The following FRMPD4 variants were observed in gnomAD, a reference collection of about 807,000 sequenced individuals.
FRMPD4 encodes the protein FERM and PDZ domain-containing protein 4.
Under a neutral mutation model 94.1 loss-of-function variants are expected in FRMPD4, and 22 were observed. The ratio of observed to expected loss-of-function variants is 0.23; its 90% CI spans 0.17 to 0.33. The LOEUF (loss-of-function observed/expected upper bound fraction) is 0.33, where lower values mean the gene tolerates loss of function less well. Ranked by LOEUF, FRMPD4 falls within the 10% of genes least tolerant of loss-of-function variation. FRMPD4 has a pLI of 1.00. For missense variants in FRMPD4, 1,111 were observed against 1,339.9 expected (o/e 0.83, Z 2.67); for synonymous variants, 631 against 548.6 (o/e 1.15, Z -2.10).
At chrX:11,845,753 A>G (rs2053572029) in intron 1 of FRMPD4, among the ~76,000 whole-genome samples, 2 of 110,639 alleles carry the variant, frequency 1.8e-5, no homozygotes, top group South Asian at 7.6e-4. Context: ...GTAATCCAGC[A>G]TATAAACAGA....
intron 1 of FRMPD4, among the ~76,000 whole-genome samples, chrX:12,237,069 T>C (rs1468935930): frequency 8.9e-6 from 1 of 112,289 alleles, no homozygotes; most frequent in Non-Finnish European, 1.9e-5. Flanking sequence ...ATCTACGCAA[T>C]AGAAGAACAA....
intron 1 of FRMPD4, among the ~76,000 whole-genome samples, chrX:12,204,108 G>A (rs1241806540): frequency 8.9e-6 from 1 of 112,014 alleles, no homozygotes; most frequent in East Asian, 2.8e-4. Context: ...GGATTCCCAC[G>A]TTGTGCTCTC....
rs778112353 is a variant in FRMPD4, at chrX:12,511,992, G to C, written c.158+13196G>C. 5.4e-5 allele frequency among the ~76,000 whole-genome samples: 6 copies of C among 111,819 alleles called. No individual in the cohort carries two copies. The South Asian group carries it at 2.3e-3, about 42-fold the overall frequency. ...CCAGAAGGAAGTGACAAAGAATACTGTATCCAGAAATTGCCACAGCCACCC... is the reference window on the plus strand; with the variant it reads ...CCAGAAGGAAGTGACAAAGAATACTCTATCCAGAAATTGCCACAGCCACCC... On this transcript the variant is annotated intron_variant, in intron 2 of 16. Transcript: ENST00000675598.
intron 3 of FRMPD4, among the ~76,000 whole-genome samples, chrX:11,916,755 G>T (rs1018627802): frequency 9.0e-6 from 1 of 111,668 alleles, no homozygotes; most frequent in Non-Finnish European, 1.9e-5. Context: ...TCCATAAGGA[G>T]GGGACTGGGC....
At chrX:12,237,178 T>C (rs1489017681) in intron 1 of FRMPD4, among the ~76,000 whole-genome samples, 3 of 112,717 alleles carry the variant, frequency 2.7e-5, no homozygotes, top group African/African-American at 6.4e-5. Context: ...AAAAATAATG[T>C]TGAATGTATG....
chrX:12,270,820 T>A (rs768255580), intron 1 of FRMPD4, among the ~76,000 whole-genome samples: 126 of 110,864 alleles, frequency 1.1e-3, no homozygotes, highest in African/African-American at 4.1e-3. Context: ...CTCAGTGGAG[T>A]CTATAGTTTA....
chrX:12,603,615 AT>A lies in FRMPD4; in HGVS notation c.159-6100del, dbSNP rs5901481. ...TTCCATTTCAATTAATATACTCTGT[AT>A]TTTTTGGGTCACAGATTCCTGGCCT... On this transcript the variant is annotated intron_variant, in intron 2 of 16. Coordinates refer to ENST00000675598, the MANE Select transcript of FRMPD4 (RefSeq NM_001368397.1). 8.5e-3 allele frequency among the ~76,000 whole-genome samples: 947 copies of A among 111,363 alleles called. 10 individuals are homozygous for A. The highest frequency in any genetic ancestry group is 0.029 in the African/African-American group (887 of 30,590).
At chrX:11,843,978 C>CTTTTTTTTTT in intron 1 of FRMPD4, among the ~76,000 whole-genome samples, 1 of 61,369 alleles carries the variant, frequency 1.6e-5, no homozygotes, top group Non-Finnish European at 2.9e-5. Context: ...GTTATGAATT[C>CTTTTTTTTTT]TTTTTTTTTT....
chrX:12,195,679 T>C (rs985957070), intron 1 of FRMPD4, among the ~76,000 whole-genome samples: 3 of 111,353 alleles, frequency 2.7e-5, no homozygotes, highest in African/African-American at 6.5e-5. Flanking sequence ...AAACAACCGA[T>C]TGTGTAGGGA....
rs780480382 is a variant in FRMPD4 at position 12,313,318 on chromosome X, G to A, written c.41+174306G>A. On this transcript the variant is annotated intron_variant, in intron 1 of 16. Transcript: ENST00000675598. ...TTTGTAGATTTAGGGATGGAATCAT[G>A]GGATAGCACCTTGAGGAGATTGCAG... Among the ~76,000 whole-genome samples, 4 of 112,594 alleles carry A rather than the reference G, an allele frequency of 3.6e-5. No homozygotes were observed. The South Asian group carries it at 1.5e-3, about 41-fold the overall frequency.
chrX:11,928,523 C>A (rs1289171029), intron 3 of FRMPD4, among the ~76,000 whole-genome samples: 1 of 112,258 alleles, frequency 8.9e-6, no homozygotes, highest in Non-Finnish European at 1.9e-5. Context: ...ATGAGAACTA[C>A]AATTCAAGAT....
intron 3 of FRMPD4, among the ~76,000 whole-genome samples, chrX:11,925,743 C>T (rs1015465007): frequency 2.7e-5 from 3 of 111,847 alleles, no homozygotes; most frequent in African/African-American, 9.7e-5. Flanking sequence ...CTCTGGGACA[C>T]AGCTAAGACA....
intron 3 of FRMPD4, among the ~76,000 whole-genome samples, chrX:12,085,329 A>G (rs1477320636): frequency 8.9e-6 from 1 of 112,081 alleles, no homozygotes; most frequent in African/African-American, 3.2e-5. Flanking sequence ...ACTGAAAAAC[A>G]TTAATTGATC....
chrX:11,946,690 G>A (rs982895721), intron 3 of FRMPD4, among the ~76,000 whole-genome samples: 3 of 111,420 alleles, frequency 2.7e-5, no homozygotes, highest in African/African-American at 6.5e-5. Context: ...ACTGAGTAAA[G>A]AAGATCACCC....
intron 3 of FRMPD4, among the ~76,000 whole-genome samples, chrX:12,041,663 T>A (rs754990003): frequency 1.8e-5 from 2 of 110,387 alleles, no homozygotes; most frequent in African/African-American, 3.3e-5. Flanking sequence ...TGGGGCTGAT[T>A]GAGCTTCTTG....
intron 1 of FRMPD4, among the ~76,000 whole-genome samples, chrX:12,280,266 A>AATC (rs2054503698): frequency 9.2e-6 from 1 of 108,591 alleles, no homozygotes; most frequent in Non-Finnish European, 1.9e-5. Context: ...TAATAATAAT[A>AATC]ATAATAATAA....
At chrX:12,300,097 C>T (rs926175386) in intron 1 of FRMPD4, among the ~76,000 whole-genome samples, 2 of 111,420 alleles carry the variant, frequency 1.8e-5, no homozygotes, top group Non-Finnish European at 3.8e-5. Flanking sequence ...AGAGGAGGGT[C>T]GGGGAGGGAG....
At chrX:12,305,725 G>GTTTTTTTTTGTTTTTTTTTTTTTTTT (rs563804861) in intron 1 of FRMPD4, among the ~76,000 whole-genome samples, 1 of 59,721 alleles carries the variant, frequency 1.7e-5, no homozygotes, top group African/African-American at 7.6e-5. Context: ...AGCTGGCTAA[G>GTTTTTTTTTGTTTTTTTTTTTTTTTT]TTTTTTTTTT....
chrX:12,477,358 G>A (rs1434439899), intron 1 of FRMPD4, among the ~76,000 whole-genome samples: 2 of 112,017 alleles, frequency 1.8e-5, no homozygotes, highest in Non-Finnish European at 3.8e-5. Flanking sequence ...AATGTTAAAT[G>A]ACGAGTTAAC....
Sources: allele counts gnomAD v4.1 joint callset (sites outside exome capture counted in the v4.1 genomes callset), GRCh38; gene constraint gnomAD v4.1.1; transcripts MANE v1.5; gene names NCBI Gene and HGNC (gene_info 2026-07-23, HGNC 2026-07-21).